The following TBL1X variants were observed in gnomAD, a reference collection of about 807,000 sequenced individuals.
TBL1X encodes transducin beta like 1 X-linked, also known as F-box-like/WD repeat-containing protein TBL1X.
Under a neutral mutation model 50.7 loss-of-function variants are expected in TBL1X, and 10 were observed. That is an observed-to-expected ratio of 0.20 (90% CI 0.12 to 0.33). The LOEUF is 0.33. TBL1X is among the 10% of genes least tolerant of loss of function. TBL1X has a pLI of 1.00. For synonymous variants in TBL1X, 190 were observed against 214.7 expected (o/e 0.88, Z 1.01); for missense variants, 340 against 504.4 (o/e 0.67, Z 3.12).
chrX:9,708,271 T>C (rs2083222060), intron 13 of TBL1X, among the ~76,000 whole-genome samples: 2 of 112,001 alleles, frequency 1.8e-5, no homozygotes, highest in African/African-American at 6.5e-5. Flanking sequence ...GGGTTTAGCC[T>C]CGTGGTCCCC....
At chrX:9,531,278 G>A (rs2082158760) in intron 2 of TBL1X, among the ~76,000 whole-genome samples, 1 of 108,559 alleles carries the variant, frequency 9.2e-6, no homozygotes, top group Non-Finnish European at 1.9e-5. Flanking sequence ...TTCATGACAG[G>A]ATGAACTTTG....
chrX:9,475,970 G>A (rs1334385055), intron 1 of TBL1X, among the ~76,000 whole-genome samples: 2 of 112,215 alleles, frequency 1.8e-5, no homozygotes, highest in Admixed American at 1.9e-4. Flanking sequence ...GTAGATTTCC[G>A]TGTACCAGCA....
chrX:9,622,933 C>T (rs977675052), intron 2 of TBL1X, among the ~76,000 whole-genome samples: 2 of 112,412 alleles, frequency 1.8e-5, no homozygotes, highest in African/African-American at 6.5e-5. Flanking sequence ...AATGATGCTG[C>T]TGTGAACATT....
chrX:9,570,392 C>T (rs991941985), intron 2 of TBL1X, among the ~76,000 whole-genome samples: 2 of 111,637 alleles, frequency 1.8e-5, no homozygotes, highest in Non-Finnish European at 3.8e-5. Context: ...AGCGCGTACC[C>T]TCTTCTCAAC....
chrX:9,562,150 C>T (rs1156287960), intron 2 of TBL1X, among the ~76,000 whole-genome samples: 4 of 111,964 alleles, frequency 3.6e-5, no homozygotes, highest in Admixed American at 1.9e-4. Flanking sequence ...ATTGGTATTA[C>T]GTGAGGATTA....
intron 2 of TBL1X, among the ~76,000 whole-genome samples, chrX:9,525,430 A>T (rs2082127253): frequency 8.9e-6 from 1 of 111,953 alleles, no homozygotes; most frequent in Non-Finnish European, 1.9e-5. Flanking sequence ...TGAACACGTA[A>T]CTCTAACTTG....
At chrX:9,537,406 A>G (rs1378261935) in intron 2 of TBL1X, among the ~76,000 whole-genome samples, 3 of 110,945 alleles carry the variant, frequency 2.7e-5, no homozygotes, top group Non-Finnish European at 5.7e-5. Context: ...TACATTGTGC[A>G]ATCCTCACCA....
chrX:9,476,938 A>G (rs187906221), intron 1 of TBL1X, among the ~76,000 whole-genome samples: 42 of 112,606 alleles, frequency 3.7e-4, no homozygotes, highest in African/African-American at 1.2e-3. Flanking sequence ...AGTGTACTCA[A>G]ACTAAATATA....
At chrX:9,623,060 T>C (rs1285204667) in intron 2 of TBL1X, among the ~76,000 whole-genome samples, 1 of 111,292 alleles carries the variant, frequency 9.0e-6, no homozygotes. Context: ...CCATACTGTT[T>C]TTCTGAAGGT....
At chrX:9,571,047 A>G (rs2082383664) in intron 2 of TBL1X, among the ~76,000 whole-genome samples, 1 of 112,330 alleles carries the variant, frequency 8.9e-6, no homozygotes, top group African/African-American at 3.2e-5. Context: ...GAGTCTGCTC[A>G]GGCTGCTGTA....
rs181298609 is a variant in TBL1X at position 9,604,856 on chromosome X, T to A, written c.-130-35417T>A. Among the ~76,000 whole-genome samples, 891 of 110,734 alleles carry A rather than the reference T, an allele frequency of 8.0e-3. 5 individuals are homozygous for A. Among genetic ancestry groups the A allele is most frequent in the Non-Finnish European group, 0.014 (748 of 52,810 alleles). On this transcript the variant is annotated intron_variant, in intron 2 of 17. Coordinates refer to ENST00000645353, the MANE Select transcript of TBL1X (RefSeq NM_005647.4). ...AGGAGAAGACGTTTCACCCTTGGAT[T>A]TTCTGTGTTTGGAATCCAAGGCCTT...
intron 1 of TBL1X, among the ~76,000 whole-genome samples, chrX:9,496,992 C>T (rs1231857893): frequency 8.9e-6 from 1 of 111,927 alleles, no homozygotes; most frequent in Non-Finnish European, 1.9e-5. Flanking sequence ...GTTTCAAGGA[C>T]AGATGACACA....
At chrX:9,528,823 C>G (rs1569215880) in intron 2 of TBL1X, among the ~76,000 whole-genome samples, 1 of 110,000 alleles carries the variant, frequency 9.1e-6, no homozygotes, top group Admixed American at 9.6e-5. Context: ...TGACTCAAGT[C>G]AAGGGGCCCA....
intron 2 of TBL1X, among the ~76,000 whole-genome samples, chrX:9,506,001 C>A (rs1462684639): frequency 8.9e-6 from 1 of 112,316 alleles, no homozygotes; most frequent in Admixed American, 9.4e-5. Context: ...AATATACATT[C>A]TTCTCAGTGC....
At chrX:9,499,342 C>T (rs770076482) in intron 1 of TBL1X, among the ~76,000 whole-genome samples, 5 of 111,462 alleles carry the variant, frequency 4.5e-5, no homozygotes, top group South Asian at 3.8e-4. Flanking sequence ...CTGAGGACCT[C>T]GCCCGCTAGT....
In TBL1X at chrX:9,478,316, A is replaced by G. The variant is rs183999367; in HGVS notation, c.-201+12869A>G. Among the ~76,000 whole-genome samples, 293 of 111,314 alleles carry G rather than the reference A, an allele frequency of 2.6e-3. 1 individual carries two copies. The highest frequency in any genetic ancestry group is 9.2e-3 in the African/African-American group (282 of 30,623). ...ATGCTTCCCCTGTCTTTCATCTTGA[A>G]AGCACCTGCCTGTGAACCTCAGGCT... On this transcript the variant is annotated intron_variant, in intron 1 of 17. Transcript: ENST00000645353.
intron 2 of TBL1X, chrX:9,637,242 G>A (rs867686144): frequency 6.3e-5 from 7 of 111,302 alleles, no homozygotes; most frequent in African/African-American, 2.0e-4. Context: ...TGAAATTTTC[G>A]TGCTTCCCCC....
At chrX:9,577,160 C>T (rs745732870) in intron 2 of TBL1X, among the ~76,000 whole-genome samples, 179 of 112,066 alleles carry the variant, frequency 1.6e-3, no homozygotes, top group Non-Finnish European at 2.9e-3. Context: ...GCATGATGTA[C>T]GGAATGTCTT....
At chrX:9,512,071 C>T (rs1036493302) in intron 2 of TBL1X, among the ~76,000 whole-genome samples, 1 of 110,860 alleles carries the variant, frequency 9.0e-6, no homozygotes, top group Non-Finnish European at 1.9e-5. Flanking sequence ...GTTGCCCAGG[C>T]TTGTCTTTAA....
Sources: allele counts gnomAD v4.1 joint callset (sites outside exome capture counted in the v4.1 genomes callset), GRCh38; gene constraint gnomAD v4.1.1; transcripts MANE v1.5; gene names NCBI Gene and HGNC (gene_info 2026-07-23, HGNC 2026-07-21).